TKT: variants seen among roughly 807,000 people sequenced by gnomAD.
The protein encoded by TKT is transketolase.
Under a neutral mutation model 63.9 loss-of-function variants are expected in TKT, and 47 were observed. The ratio of observed to expected loss-of-function variants is 0.74; its 90% confidence interval spans 0.58 to 0.94. The LOEUF is 0.94. Among genes scored for constraint, TKT ranks in the 40% least tolerant of loss-of-function variants. The pLI is 0.00. For missense variants in TKT, 721 were observed against 846.2 expected (o/e 0.85, Z 1.84); for synonymous variants, 338 against 334.1 (o/e 1.01, Z -0.13).
chr3:53,234,981 A>G lies in TKT; in HGVS notation c.629+2T>C. The G allele has an allele frequency of 6.2e-7, 1 of 1,609,942 alleles. No individual in the cohort carries two copies. The stretch of plus-strand genomic sequence containing the variant: ...ACACTCAGGCCACAGCCTCGTACAT[A>G]CCCGAAGGCCTCGCACCGCTTCTGG... On this transcript the variant is annotated splice_donor_variant, in intron 5 of 13. Transcript: ENST00000462138. LOFTEE classifies it high-confidence loss of function.
Position 53,250,482 on chromosome 3 carries a change from C to T in TKT, c.107+5354G>A, listed in dbSNP as rs116895554. The stretch of plus-strand genomic sequence containing the variant: ...CAGTTTGAAACCACCTATCCATGAA[C>T]CTCTCCTTTCAAGATGGAGAAAATG... On this transcript the variant is annotated intron_variant, in intron 1 of 13. Coordinates refer to ENST00000462138, the MANE Select transcript of TKT (RefSeq NM_001064.4). Among the ~76,000 whole-genome samples the T allele has an allele frequency of 8.5e-4, 129 of 152,314 alleles. No homozygotes were observed. In the East Asian group the frequency reaches 0.022, roughly 26 times the overall value.
intron 1 of TKT, among the ~76,000 whole-genome samples, chr3:53,250,043 T>A (rs1257328709): frequency 6.6e-6 from 1 of 152,318 alleles, no homozygotes; most frequent in Non-Finnish European, 1.5e-5. Context: ...AACTAGGTGC[T>A]GTACTTCACT....
chr3:53,233,364 G>A lies in TKT; in HGVS notation c.630-90C>T, dbSNP rs979768074. ...GGGAAAGGTCTGCCTTGGCAGCTGG[G>A]GTCTGCCCAGGCTCCACCCCACAAC... On this transcript the variant is annotated intron_variant, in intron 5 of 13. Coordinates refer to ENST00000462138, the MANE Select transcript of TKT (RefSeq NM_001064.4). 7.8e-6 allele frequency: 8 copies of A among 1,020,606 alleles called. No homozygotes were observed. In the African/African-American group the frequency reaches 1.3e-4, roughly 17 times the overall value. 63.2% of individuals were successfully genotyped at this position (1,020,606 alleles called of 1,614,324 possible).
At chr3:53,239,313 A>T (rs1559653274) in intron 4 of TKT, among the ~76,000 whole-genome samples, 1 of 150,672 alleles carries the variant, frequency 6.6e-6, no homozygotes, top group South Asian at 2.1e-4. Flanking sequence ...AAAAAGAATA[A>T]TTTTTTTTTT....
At chr3:53,239,978 A>G (rs1354555687) in intron 4 of TKT, among the ~76,000 whole-genome samples, 1 of 152,228 alleles carries the variant, frequency 6.6e-6, no homozygotes, top group Admixed American at 6.5e-5. Context: ...CACATGATTG[A>G]GAGCACGCAC....
chr3:53,226,130 G>A, intron 13 of TKT, 199 bp from the exon 14 acceptor site: 2 of 499,526 alleles, frequency 4.0e-6, no homozygotes, highest in Non-Finnish European at 6.9e-6. Context: ...TGTTGCCCAG[G>A]CTGGTCTCCC....
intron 2 of TKT, 21 bp from the exon 3 acceptor site, chr3:53,241,266 G>T (rs372069289): frequency 6.3e-7 from 1 of 1,590,548 alleles, no homozygotes; most frequent in Non-Finnish European, 8.5e-7. Context: ...ATGGATGGTG[G>T]GGTGAGGTCA....
rs782260595 is a variant in TKT at position 53,225,023 on chromosome 3, TTC to T, written c.*731_*732del. ...GGGGCTGGAGCTTGGGACTGCAGAATTCTGTGTGACATCAGAAGCTCCTGGGC... is the reference window on the plus strand; with the variant it reads ...GGGGCTGGAGCTTGGGACTGCAGAATTGTGTGACATCAGAAGCTCCTGGGC... On this transcript the variant is annotated 3_prime_UTR_variant, in exon 14 of 14. Transcript: ENST00000462138. 10 of 152,234 alleles carry T rather than the reference TTC, an allele frequency of 6.6e-5. No homozygotes were observed. The highest frequency in any genetic ancestry group is 2.9e-5 in the Non-Finnish European group (2 of 68,072). The allele number at this position is 152,234 out of a possible 1,614,324, so 9.4% of individuals were successfully genotyped here. A position where few individuals can be genotyped will look rare whatever the true frequency, so the allele number is the denominator to read the frequency against.
At chr3:53,240,158 G>A in intron 4 of TKT, 93 bp downstream of exon 4, 1 of 1,236,066 alleles carries the variant, frequency 8.1e-7, no homozygotes. Context: ...AGCCAGGAAA[G>A]AGGAAGAGTC....
At chr3:53,245,996 A>C (rs1371692006) in intron 1 of TKT, among the ~76,000 whole-genome samples, 1 of 152,006 alleles carries the variant, frequency 6.6e-6, no homozygotes, top group Non-Finnish European at 1.5e-5. Flanking sequence ...GGCCGGGCAC[A>C]GTGGCTCACA....
At chr3:53,240,206 C>G in intron 4 of TKT, 45 bp downstream of exon 4, 1 of 1,583,324 alleles carries the variant, frequency 6.3e-7, no homozygotes, top group East Asian at 2.3e-5. Context: ...CCAAGGACCA[C>G]TCCCCAAAAC....
Position 53,225,765 on chromosome 3 carries a change from G to A in TKT, c.1863C>T (p.Thr621=). The A allele has an allele frequency of 6.2e-7, 1 of 1,612,428 alleles. No individual in the cohort carries two copies. The highest frequency in any genetic ancestry group is 2.2e-5 in the East Asian group (1 of 44,860). Residue 621 remains threonine (T), a synonymous_variant, in exon 14 of 14, where the codon ACC becomes ACT. Coordinates refer to ENST00000462138, the MANE Select transcript of TKT (RefSeq NM_001064.4). ...AIAQAVRGLI[T]KA ...ACACTTCATACCCGCCCTAGGCCTT[G>A]GTGATGAGGCCCCTCACAGCTTGTG...
intron 1 of TKT, among the ~76,000 whole-genome samples, chr3:53,253,493 G>A (rs1164968547): frequency 3.3e-5 from 5 of 152,168 alleles, no homozygotes; most frequent in Admixed American, 1.3e-4. Context: ...ATGTTTGGCC[G>A]GGGGCAGTGG....
intron 6 of TKT, chr3:53,232,531 C>T: frequency 2.5e-6 from 1 of 398,742 alleles, no homozygotes; most frequent in South Asian, 1.3e-4. Flanking sequence ...AGTCCCTGAC[C>T]ACTTGTAGTC....
chr3:53,234,693 C>T, intron 5 of TKT: 3 of 293,934 alleles, frequency 1.0e-5, no homozygotes, highest in Non-Finnish European at 1.9e-5. Context: ...ACCCTCCTTC[C>T]TCAAGAACAA....
At chr3:53,231,874 C>T (rs976495326) in intron 6 of TKT, 3 of 359,290 alleles carry the variant, frequency 8.3e-6, no homozygotes, top group South Asian at 5.6e-5. Flanking sequence ...TGTCCATTCT[C>T]TTCCTCCCCA....
chr3:53,244,138 T>A (rs1553680485), intron 1 of TKT, among the ~76,000 whole-genome samples: 2 of 152,194 alleles, frequency 1.3e-5, no homozygotes, highest in African/African-American at 4.8e-5. Context: ...TTTTAAGCCT[T>A]CCTTGCTAGG....
intron 12 of TKT, chr3:53,227,378 A>T (rs1182674378): frequency 6.3e-6 from 1 of 159,956 alleles, no homozygotes; most frequent in Non-Finnish European, 1.4e-5. Flanking sequence ...CTGCCTGGGG[A>T]TGGACTCCTC....
intron 7 of TKT, 54 bp from the exon 8 acceptor site, chr3:53,230,675 C>T (rs1704714287): frequency 3.1e-6 from 5 of 1,599,950 alleles, no homozygotes; most frequent in Non-Finnish European, 4.3e-6. Context: ...GAGTGCACAC[C>T]TGCAGCCTGG....
Sources: gnomAD v4.1 joint callset for allele counts (sites outside exome capture counted in the v4.1 genomes callset) on GRCh38, gnomAD v4.1.1 for gene constraint, MANE v1.5 for transcripts, NCBI Gene and HGNC (gene_info 2026-07-23, HGNC 2026-07-21) for gene names.